Variants in SLC12A2 observed in about 807,000 individuals in gnomAD.
SLC12A2 encodes the protein solute carrier family 12 member 2.
In SLC12A2, 67 loss-of-function variants were observed where a neutral mutation model predicts 136.3. The ratio of observed to expected loss-of-function variants is 0.49; its 90% CI spans 0.40 to 0.60. The LOEUF (loss-of-function observed/expected upper bound fraction) is 0.60, where lower values mean the gene tolerates loss of function less well. Among genes scored for constraint, SLC12A2 ranks in the 20% least tolerant of loss-of-function variants. The pLI is 0.00. For missense variants in SLC12A2, 1,322 were observed against 1,534.7 expected, an observed-to-expected ratio of 0.86 and a Z score of 2.32; for synonymous variants, 619 against 562.9, an observed-to-expected ratio of 1.10 and a Z score of -1.41.
At position 128,084,563 on chromosome 5, in the gene SLC12A2, C is replaced by T. The variant is rs375075706; in HGVS notation, c.609C>T (p.Thr203=). The T allele has an allele frequency of 3.1e-6, 5 of 1,613,716 alleles. No homozygotes were observed. Among genetic ancestry groups the T allele is most frequent in the Non-Finnish European group, 3.4e-6 (4 of 1,180,000 alleles). Reference sequence around the variant, plus strand: ...ACCACCAGCACTACTATTATGATACCCACACCAACACCTACTACCTGCGCA... The same window carrying T: ...ACCACCAGCACTACTATTATGATACTCACACCAACACCTACTACCTGCGCA... ...SGHHQHYYYD[T]HTNTYYLRTF... is the part of the protein sequence containing the mutation. Residue 203 remains threonine, a synonymous_variant, in exon 1 of 27, where the codon ACC becomes ACT. Coordinates refer to ENST00000262461, the MANE Select transcript of SLC12A2 (RefSeq NM_001046.3). The surrounding 1 kb of genome is among the most constrained non-coding windows in gnomAD (Gnocchi z 5.6).
At chr5:128,141,279 C>A (rs1993878) in intron 9 of SLC12A2, among the ~76,000 whole-genome samples, 125,203 of 152,164 alleles carry the variant, frequency 0.82, 52,182 homozygotes, top group African/African-American at 0.95. Context: ...TCTATGGGTT[C>A]TTTTTAAGCA....
chr5:128,120,603 G>A (rs551288620), intron 4 of SLC12A2, among the ~76,000 whole-genome samples: 2,406 of 150,820 alleles, frequency 0.016, 42 homozygotes, highest in African/African-American at 0.052. Flanking sequence ...GTAAACTATC[G>A]CAAGGACAAA....
At chr5:128,123,945 G>C (rs1047139026) in intron 4 of SLC12A2, among the ~76,000 whole-genome samples, 13 of 152,262 alleles carry the variant, frequency 8.5e-5, no homozygotes, top group African/African-American at 3.1e-4. Flanking sequence ...ATTACCATTT[G>C]TAGCTAGCTT....
intron 1 of SLC12A2, among the ~76,000 whole-genome samples, chr5:128,089,169 C>CA (rs34686489): frequency 1.3e-3 from 151 of 119,740 alleles, no homozygotes; most frequent in African/African-American, 1.6e-3. Context: ...ACTTTGTCTC[C>CA]AAAAAAAAAA....
At chr5:128,142,091 G>T in intron 10 of SLC12A2, 110 bp downstream of exon 10, 1 of 951,856 alleles carries the variant, frequency 1.1e-6, no homozygotes, top group South Asian at 1.9e-5. Context: ...GAGGACAGTT[G>T]TTATTTTTTT....
chr5:128,126,699 A>G (rs1236604880), intron 4 of SLC12A2, among the ~76,000 whole-genome samples: 7 of 151,970 alleles, frequency 4.6e-5, no homozygotes, highest in East Asian at 1.9e-4. Context: ...CCTAAGACCT[A>G]TGGAACAATG....
At chr5:128,135,027 A>G (rs1762140411) in intron 6 of SLC12A2, among the ~76,000 whole-genome samples, 2 of 152,120 alleles carry the variant, frequency 1.3e-5, no homozygotes, top group South Asian at 4.1e-4. Context: ...AATTGACTGT[A>G]TGAAAATAAC....
In SLC12A2 at chr5:128,138,993, C is replaced by G. The variant is rs541951414; in HGVS notation, c.1621+85C>G. 3.7e-5 allele frequency: 34 copies of G among 917,342 alleles called. No individual in the cohort carries two copies. The African/African-American group carries it at 5.6e-4, about 15-fold the overall frequency. The allele number at this position is 917,342 out of a possible 1,614,324, so 56.8% of individuals were successfully genotyped here. A position where few individuals can be genotyped will look rare whatever the true frequency, so the allele number is the denominator to read the frequency against. ...TACTTATTTTTATGACATTTGCTAACTTTTTTAAATACAGAAATATTTCAA... is the reference window on the plus strand; with the variant it reads ...TACTTATTTTTATGACATTTGCTAAGTTTTTTAAATACAGAAATATTTCAA... On this transcript the variant is annotated intron_variant, in intron 9 of 26. Coordinates refer to ENST00000262461, the MANE Select transcript of SLC12A2 (RefSeq NM_001046.3).
rs775913466 is a variant in SLC12A2, at chr5:128,141,868, G to T, written c.1660G>T (p.Asp554Tyr). 4.3e-6 allele frequency: 7 copies of T among 1,613,540 alleles called. No individual in the cohort carries two copies. In the Admixed American group the frequency reaches 1.2e-4, roughly 27 times the overall value. Residue 554 changes from aspartate (D) to tyrosine (Y), a missense_variant, in exon 10 of 27, where the codon GAC (aspartate) becomes TAC (tyrosine). Transcript: ENST00000262461. Reference sequence around the variant, plus strand: ...TCGAGATGCCACTGGAAACGTTAATGACACTATCGTAACAGAGCTAACAAA... The same window carrying T: ...TCGAGATGCCACTGGAAACGTTAATTACACTATCGTAACAGAGCTAACAAA... Reference protein sequence around the residue: ...VVRDATGNVNDTIVTELTNCT... With the variant: ...VVRDATGNVNYTIVTELTNCT...
intron 17 of SLC12A2, 103 bp from the exon 18 acceptor site, chr5:128,167,657 GA>G (rs1763244574): frequency 4.5e-6 from 3 of 666,032 alleles, no homozygotes; most frequent in Non-Finnish European, 7.5e-6. Flanking sequence ...TTTTTGTTAA[GA>G]GTGTCTATAG....
Position 128,114,222 on chromosome 5 carries a change from T to A in SLC12A2, c.887T>A (p.Met296Lys). ...TTTTTCCCTCTTTAGGTACGTTGTA[T>A]GTTAAACATTTGGGGTGTGATGCTT... ...GWIKGVLVRC[M>K]LNIWGVMLFI... Residue 296 changes from methionine to lysine, a missense_variant, in exon 3 of 27, where the codon ATG becomes AAG. Around this residue, in one of 8 missense-constraint regions of SLC12A2, gnomAD observed 71 missense variants for 131.0 expected, o/e 0.54. Coordinates refer to ENST00000262461, the MANE Select transcript of SLC12A2 (RefSeq NM_001046.3). 1 of 1,613,048 alleles carries A rather than the reference T, an allele frequency of 6.2e-7. No homozygotes were observed. The highest frequency in any genetic ancestry group is 8.5e-7 in the Non-Finnish European group (1 of 1,179,200).
intron 11 of SLC12A2, 114 bp from the exon 12 acceptor site, chr5:128,148,640 G>C (rs1460375016): frequency 3.7e-6 from 3 of 816,976 alleles, no homozygotes; most frequent in African/African-American, 1.7e-5. Flanking sequence ...CAGGATAAAA[G>C]AGATGACCAA....
chr5:128,106,606 A>G (rs1404209420), intron 1 of SLC12A2, among the ~76,000 whole-genome samples: 3 of 152,202 alleles, frequency 2.0e-5, no homozygotes, highest in African/African-American at 4.8e-5. Context: ...TTAAAAATAG[A>G]TCTGCCAGAA....
At chr5:128,171,411 AC>A (rs951110287) in intron 18 of SLC12A2, among the ~76,000 whole-genome samples, 18 of 152,212 alleles carry the variant, frequency 1.2e-4, no homozygotes, top group Admixed American at 9.8e-4. Flanking sequence ...GCTGCTTTAA[AC>A]CGCTGCTGTA....
intron 16 of SLC12A2, among the ~76,000 whole-genome samples, chr5:128,159,322 A>G (rs1206408019): frequency 6.6e-6 from 1 of 152,208 alleles, no homozygotes; most frequent in Non-Finnish European, 1.5e-5. Context: ...CATAGGCAGT[A>G]CCATTCAGGA....
At position 128,186,779 on chromosome 5, in the gene SLC12A2, C is replaced by T; in HGVS notation, c.*148C>T. ...AATTTGAAAGCACACAGGAAAGTTG[C>T]TCCATTGATAACGTGTATGGAGACT... On this transcript the variant is annotated 3_prime_UTR_variant, in exon 27 of 27. Coordinates refer to ENST00000262461, the MANE Select transcript of SLC12A2 (RefSeq NM_001046.3). 1 of 814,870 alleles carries T rather than the reference C, an allele frequency of 1.2e-6. No homozygotes were observed. The highest frequency in any genetic ancestry group is 1.9e-6 in the Non-Finnish European group (1 of 523,160). 50.5% of individuals were successfully genotyped at this position (814,870 alleles called of 1,614,324 possible).
intron 1 of SLC12A2, among the ~76,000 whole-genome samples, chr5:128,099,153 G>A (rs953166070): frequency 6.6e-6 from 1 of 152,026 alleles, no homozygotes; most frequent in Admixed American, 6.6e-5. Flanking sequence ...ACATTATTAG[G>A]TGATTTTGTC....
intron 5 of SLC12A2, among the ~76,000 whole-genome samples, chr5:128,132,823 T>C (rs1561677971): frequency 6.6e-6 from 1 of 152,216 alleles, no homozygotes; most frequent in Non-Finnish European, 1.5e-5. Flanking sequence ...TTGTTTAATT[T>C]AGTGTATATT....
At chr5:128,119,772 C>T (rs1246408818) in intron 4 of SLC12A2, among the ~76,000 whole-genome samples, 1 of 152,194 alleles carries the variant, frequency 6.6e-6, no homozygotes, top group Non-Finnish European at 1.5e-5. Context: ...AAAACCTAGG[C>T]ATTACCATTC....
Sources: gnomAD v4.1 joint callset for allele counts (sites outside exome capture counted in the v4.1 genomes callset) on GRCh38, gnomAD v4.1.1 for gene constraint, gnomAD v4.1.1 regional missense constraint, Gnocchi (gnomAD v3.1) non-coding constraint, MANE v1.5 for transcripts, NCBI Gene and HGNC (gene_info 2026-07-23, HGNC 2026-07-21) for gene names.